NLGN1: variants seen among roughly 807,000 people sequenced by gnomAD.
NLGN1 encodes the protein neuroligin-1.
A neutral mutation model predicts 65.5 loss-of-function variants in NLGN1; 12 were observed. That is an observed-to-expected ratio of 0.18 (90% CI 0.12 to 0.30). The LOEUF (loss-of-function observed/expected upper bound fraction) is 0.30, where lower values mean the gene tolerates loss of function less well. Among genes scored for constraint, NLGN1 ranks in the 10% least tolerant of loss-of-function variants. The pLI, the probability that NLGN1 is intolerant of heterozygous loss-of-function variation, is 1.00. For synonymous variants in NLGN1, 350 were observed against 359.5 expected, an observed-to-expected ratio of 0.97 and a Z score of 0.30; for missense variants, 750 against 1,007.1, an observed-to-expected ratio of 0.74 and a Z score of 3.46.
intron 2 of NLGN1, among the ~76,000 whole-genome samples, chr3:173,554,582 G>T (rs570518620): frequency 7.2e-5 from 11 of 152,148 alleles, no homozygotes; most frequent in Admixed American, 5.2e-4. Flanking sequence ...GACTTCTCTG[G>T]ATTTGAAAGA....
intron 3 of NLGN1, among the ~76,000 whole-genome samples, chr3:173,719,709 G>A (rs986645972): frequency 5.3e-5 from 8 of 152,188 alleles, no homozygotes; most frequent in Non-Finnish European, 7.3e-5. Flanking sequence ...AAGTTATTAA[G>A]GAATCCTGAA....
intron 3 of NLGN1, among the ~76,000 whole-genome samples, chr3:173,775,042 G>A (rs762666848): frequency 7.2e-5 from 11 of 152,186 alleles, no homozygotes; most frequent in Admixed American, 1.3e-4. Flanking sequence ...AGTGCACCAA[G>A]CTTATGCAAT....
At chr3:173,500,966 A>G (rs1432211272) in intron 2 of NLGN1, among the ~76,000 whole-genome samples, 2 of 152,154 alleles carry the variant, frequency 1.3e-5, no homozygotes, top group African/African-American at 4.8e-5. Context: ...TTGCTTGCAC[A>G]TGGTAGACAC....
At chr3:173,458,586 C>T (rs247968) in intron 2 of NLGN1, among the ~76,000 whole-genome samples, 88,014 of 151,922 alleles carry the variant, frequency 0.58, 28,558 homozygotes, top group East Asian at 0.91. Flanking sequence ...CTTCTCCCAT[C>T]GTCAATGGCT....
intron 4 of NLGN1, among the ~76,000 whole-genome samples, chr3:174,208,650 A>G (rs2152786649): frequency 7.4e-6 from 1 of 135,102 alleles, no homozygotes; most frequent in Non-Finnish European, 1.6e-5. Flanking sequence ...ATTGCAAGAT[A>G]GCGCCATTAT....
intron 1 of NLGN1, among the ~76,000 whole-genome samples, chr3:173,413,604 ATAAAAT>A (rs1180118700): frequency 1.3e-5 from 2 of 151,958 alleles, no homozygotes; most frequent in Non-Finnish European, 2.9e-5. Flanking sequence ...CATCTCAAAA[ATAAAAT>A]TAAAATTAAA....
Position 174,279,953 on chromosome 3 carries a change from A to G in NLGN1, c.1649+303A>G, listed in dbSNP as rs1478099071. On this transcript the variant is annotated intron_variant, in intron 6 of 6. Coordinates refer to ENST00000457714, the Ensembl canonical transcript of NLGN1. The surrounding 1 kb of genome is among the most constrained non-coding windows in gnomAD (Gnocchi z 4.7). ...TCAGCAGTAATAAATATTATTTTATAGTGCTTTGTCATTCACAACACTCTT... is the reference window on the plus strand; with the variant it reads ...TCAGCAGTAATAAATATTATTTTATGGTGCTTTGTCATTCACAACACTCTT... Among the ~76,000 whole-genome samples the G allele has an allele frequency of 6.6e-6, 1 of 151,992 alleles. No homozygotes were observed. The highest frequency in any genetic ancestry group is 1.5e-5 in the Non-Finnish European group (1 of 67,946).
intron 3 of NLGN1, among the ~76,000 whole-genome samples, chr3:173,689,914 A>C (rs1044945468): frequency 2.0e-5 from 3 of 152,188 alleles, no homozygotes; most frequent in Non-Finnish European, 4.4e-5. Flanking sequence ...TTCATGAGGA[A>C]TGGGGGTCAG....
At chr3:173,955,920 C>A (rs936890366) in intron 4 of NLGN1, among the ~76,000 whole-genome samples, 1 of 151,318 alleles carries the variant, frequency 6.6e-6, no homozygotes, top group Non-Finnish European at 1.5e-5. Flanking sequence ...GAGGTCATTC[C>A]GAATACACAA....
chr3:173,581,518 A>G (rs1746395975), intron 2 of NLGN1, among the ~76,000 whole-genome samples: 1 of 152,032 alleles, frequency 6.6e-6, no homozygotes, highest in African/African-American at 2.4e-5. Context: ...GATCAAAGGA[A>G]AATACAAGAA....
chr3:173,689,056 G>T (rs114660572), intron 3 of NLGN1, among the ~76,000 whole-genome samples: 494 of 152,250 alleles, frequency 3.2e-3, no homozygotes, highest in African/African-American at 0.011. Flanking sequence ...ACCCAGATCT[G>T]CTCTTACTGG....
chr3:174,260,410 T>C (rs1746665100), intron 4 of NLGN1, among the ~76,000 whole-genome samples: 1 of 151,488 alleles, frequency 6.6e-6, no homozygotes, highest in African/African-American at 2.4e-5. Context: ...CATTGTGGTT[T>C]TGATTTGCAT....
At chr3:173,851,492 A>G (rs1489219390) in intron 4 of NLGN1, among the ~76,000 whole-genome samples, 1 of 152,214 alleles carries the variant, frequency 6.6e-6, no homozygotes, top group African/African-American at 2.4e-5. Context: ...TTTTCTGAAG[A>G]CATTCATAGC....
chr3:173,579,580 T>G (rs985486162), intron 2 of NLGN1, among the ~76,000 whole-genome samples: 24 of 152,362 alleles, frequency 1.6e-4, no homozygotes, highest in African/African-American at 4.6e-4. Context: ...ATCTGGTATA[T>G]TTAGCATCCA....
intron 2 of NLGN1, among the ~76,000 whole-genome samples, chr3:173,485,996 T>C (rs961268810): frequency 6.6e-6 from 1 of 152,218 alleles, no homozygotes; most frequent in East Asian, 1.9e-4. Context: ...CCTCCCAGTG[T>C]AATGTTGAGT....
chr3:173,681,079 A>G (rs1763883156), intron 3 of NLGN1, among the ~76,000 whole-genome samples: 1 of 152,194 alleles, frequency 6.6e-6, no homozygotes, highest in Non-Finnish European at 1.5e-5. Flanking sequence ...TTTTTAGGCT[A>G]TCAAATGCAT....
intron 4 of NLGN1, among the ~76,000 whole-genome samples, chr3:174,044,038 C>A (rs535225383): frequency 1.3e-5 from 2 of 152,114 alleles, no homozygotes; most frequent in Non-Finnish European, 2.9e-5. Context: ...AGGAAGCTGC[C>A]GAGGCTTAGG....
chr3:174,046,494 ATCCCC>A (rs1733633658), intron 4 of NLGN1, among the ~76,000 whole-genome samples: 1 of 152,006 alleles, frequency 6.6e-6, no homozygotes, highest in Non-Finnish European at 1.5e-5. Flanking sequence ...TGCAAGCACA[ATCCCC>A]TCCCCCAGTG....
intron 3 of NLGN1, among the ~76,000 whole-genome samples, chr3:173,649,611 A>G (rs1758822567): frequency 6.6e-6 from 1 of 152,152 alleles, no homozygotes; most frequent in African/African-American, 2.4e-5. Flanking sequence ...CTCACCGTGA[A>G]AACTAGTTCC....
Sources: gnomAD v4.1 joint callset for allele counts (sites outside exome capture counted in the v4.1 genomes callset) on GRCh38, gnomAD v4.1.1 for gene constraint, Gnocchi (gnomAD v3.1) non-coding constraint, MANE v1.5 for transcripts, NCBI Gene and HGNC (gene_info 2026-07-23, HGNC 2026-07-21) for gene names.